The following HARS2 variants were observed in gnomAD, a reference collection of about 807,000 sequenced individuals.
HARS2 encodes the protein histidyl-tRNA synthetase 2, mitochondrial.
A neutral mutation model predicts 62.4 loss-of-function variants in HARS2; 40 were observed. The observed-to-expected ratio is 0.64, with a 90% CI of 0.50 to 0.83. The LOEUF is 0.83. HARS2 is among the 40% of genes least tolerant of loss of function. The pLI is 0.00. For missense variants in HARS2, 569 were observed against 626.4 expected (o/e 0.91, Z 0.98); for synonymous variants, 228 against 227.0 (o/e 1.00, Z -0.04).
At chr5:140,694,145 C>A in intron 3 of HARS2, 40 bp from the exon 4 acceptor site, 3 of 1,602,894 alleles carry the variant, frequency 1.9e-6, no homozygotes, top group Non-Finnish European at 2.6e-6. Flanking sequence ...GTTTTGGAGT[C>A]ATGCTTTCAA....
intron 2 of HARS2, 107 bp from the exon 3 acceptor site, chr5:140,693,828 A>G: frequency 7.3e-7 from 1 of 1,367,440 alleles, no homozygotes; most frequent in South Asian, 1.2e-5. Flanking sequence ...AACTCAGTAG[A>G]TTTCAGCTCC....
intron 8 of HARS2, 34 bp from the exon 9 acceptor site, chr5:140,696,909 G>T (rs1259172581): frequency 1.9e-6 from 3 of 1,596,984 alleles, no homozygotes; most frequent in Admixed American, 3.4e-5. Context: ...TGAAACACAT[G>T]TGAGTGAACA....
At position 140,695,786 on chromosome 5, in the gene HARS2, T is replaced by C; in HGVS notation, c.574T>C (p.Cys192Arg). ...TGACCCTATGATCCCCGATGCAGAG[T>C]GTTTGAAGATCATGTGTGAAATCCT... The part of the protein sequence containing the change: ...QFDPMIPDAE[C>R]LKIMCEILSG... Residue 192 changes from cysteine (C) to arginine (R), a missense_variant, in exon 6 of 13, where the codon TGT becomes CGT. Coordinates refer to ENST00000230771, the MANE Select transcript of HARS2 (RefSeq NM_012208.4). 1 of 1,613,858 alleles carries C rather than the reference T, an allele frequency of 6.2e-7. No homozygotes were observed. Among genetic ancestry groups the C allele is most frequent in the Non-Finnish European group, 8.5e-7 (1 of 1,179,870 alleles).
At chr5:140,692,674 C>T (rs867187903) in intron 1 of HARS2, among the ~76,000 whole-genome samples, 2 of 152,110 alleles carry the variant, frequency 1.3e-5, no homozygotes, top group African/African-American at 4.8e-5. Context: ...GGGTGGATCA[C>T]CTGAGGTCAG....
chr5:140,693,309 G>A (rs968211290), intron 1 of HARS2, among the ~76,000 whole-genome samples: 2 of 149,742 alleles, frequency 1.3e-5, no homozygotes, highest in African/African-American at 5.0e-5. Context: ...TCCAGCCTGG[G>A]CAACAGACCG....
In HARS2 at chr5:140,691,478, C is replaced by T; in HGVS notation, c.-171C>T. The T allele has an allele frequency of 1.4e-6, 1 of 715,254 alleles. No homozygotes were observed. The highest frequency in any genetic ancestry group is 2.7e-5 in the East Asian group (1 of 37,038). The allele number at this position is 715,254 out of a possible 1,614,324, so 44.3% of individuals were successfully genotyped here. The stretch of plus-strand genomic sequence containing the variant: ...GTGCCGAAGCTGGCTACTAAGGGAA[C>T]TTGGGAGGATCCCACCTCAGCCTTC... On this transcript the variant is annotated 5_prime_UTR_variant, in exon 1 of 13. Transcript: ENST00000230771.
rs1457994190 is a variant in HARS2 at position 140,695,604 on chromosome 5, C to G, written c.496C>G (p.Gln166Glu). The change falls in exon 5 of 13, where the codon CAA becomes GAA. Residue 166 changes from glutamine (Q) to glutamate (E), a missense_variant. Gln to Glu is a conservative substitution (Grantham distance 29, BLOSUM62 2). Transcript: ENST00000230771. ...GCGGCGAGAGAGCCCAACCATAGTC[C>G]AAGGCCGTTATAGGGAGTTCTGCCA... ...VWRRESPTIVQGRYREFCQCD... is the reference protein window; with the variant it reads ...VWRRESPTIVEGRYREFCQCD... 1 of 1,614,204 alleles carries G rather than the reference C, an allele frequency of 6.2e-7. No individual in the cohort carries two copies. The highest frequency in any genetic ancestry group is 1.1e-5 in the South Asian group (1 of 91,080).
At chr5:140,697,461 C>T in intron 10 of HARS2, 55 bp downstream of exon 10, 3 of 1,612,508 alleles carry the variant, frequency 1.9e-6, no homozygotes, top group Non-Finnish European at 1.7e-6. Context: ...CCTCCTGTTT[C>T]TGGAGGTGTA....
chr5:140,693,794 C>G, intron 2 of HARS2, 129 bp downstream of exon 2: 1 of 1,187,100 alleles, frequency 8.4e-7, no homozygotes, highest in South Asian at 1.2e-5. Context: ...TCTTGAGATA[C>G]TAGGTGCGGC....
At chr5:140,698,200 A>G in intron 12 of HARS2, 122 bp downstream of exon 12, 6 of 1,007,618 alleles carry the variant, frequency 6.0e-6, no homozygotes, top group Non-Finnish European at 9.1e-6. Context: ...GAGATGAACA[A>G]ACACTCACTC....
chr5:140,693,543 C>G lies in HARS2; in HGVS notation c.109-48C>G, dbSNP rs774738164. The G allele has an allele frequency of 2.5e-6, 4 of 1,613,848 alleles. No individual in the cohort carries two copies. The African/African-American group carries it at 4.0e-5, about 16-fold the overall frequency. On this transcript the variant is annotated intron_variant, in intron 1 of 12. Coordinates refer to ENST00000230771, the MANE Select transcript of HARS2 (RefSeq NM_012208.4). ...CAACAGGGTCAGAGATGCCACAGGT[C>G]TGGCCAGTGTCCAGAGAAGCCACAT...
At chr5:140,693,348 A>G in intron 1 of HARS2, 1 of 697,520 alleles carries the variant, frequency 1.4e-6, no homozygotes, top group Non-Finnish European at 2.3e-6. Flanking sequence ...AAAAAAAAAA[A>G]TCCATATACA....
Position 140,697,686 on chromosome 5 carries a change from G to T in HARS2, c.1314+1G>T. ...AGAGCTTTGGGATTCTGGAATCAAG[G>T]TATGGTGGAGCTGATATCTGAGCCA... On this transcript the variant is annotated splice_donor_variant, in intron 11 of 12. Coordinates refer to ENST00000230771, the MANE Select transcript of HARS2 (RefSeq NM_012208.4). LOFTEE classifies it high-confidence loss of function. 1.9e-6 allele frequency: 3 copies of T among 1,590,874 alleles called. No individual in the cohort carries two copies. Among genetic ancestry groups the T allele is most frequent in the South Asian group, 2.2e-5 (2 of 90,656 alleles).
At position 140,698,514 on chromosome 5, in the gene HARS2, T is replaced by C. The variant is rs1160064838; in HGVS notation, c.1483T>C (p.Phe495Leu). ...REEVAIKREN[F>L]VAEIQKRLSE... ...TCAGGTGGCCATTAAACGGGAAAAT[T>C]TTGTGGCTGAAATTCAGAAGCGACT... The change falls in exon 13 of 13, where the codon TTT (phenylalanine) becomes CTT (leucine). Residue 495 changes from phenylalanine (F) to leucine (L), a missense_variant. By Grantham distance (22) the Phe-to-Leu change is conservative (BLOSUM62 0). Transcript: ENST00000230771. The C allele has an allele frequency of 5.0e-6, 8 of 1,613,236 alleles. No individual in the cohort carries two copies. In the East Asian group the frequency reaches 1.6e-4, roughly 31 times the overall value.
chr5:140,695,622 T>A lies in HARS2; in HGVS notation c.514T>A (p.Phe172Ile). 1 of 1,614,062 alleles carries A rather than the reference T, an allele frequency of 6.2e-7. No homozygotes were observed. The change falls in exon 5 of 13, where the codon TTC (phenylalanine) becomes ATC (isoleucine). Residue 172 changes from phenylalanine (F) to isoleucine (I), a missense_variant. Coordinates refer to ENST00000230771, the MANE Select transcript of HARS2 (RefSeq NM_012208.4). ...CATAGTCCAAGGCCGTTATAGGGAGTTCTGCCAGTGTGTAAGTGACCTGAT... is the reference window on the plus strand; with the variant it reads ...CATAGTCCAAGGCCGTTATAGGGAGATCTGCCAGTGTGTAAGTGACCTGAT... ...PTIVQGRYRE[F>I]CQCDFDIAGQ...
chr5:140,693,724 T>C, intron 2 of HARS2, 59 bp downstream of exon 2: 1 of 1,373,574 alleles, frequency 7.3e-7, no homozygotes, highest in Non-Finnish European at 1.0e-6. Flanking sequence ...ACCTCTGCCT[T>C]GCATGTCTCT....
intron 2 of HARS2, 37 bp downstream of exon 2, chr5:140,693,702 C>T (rs766118774): frequency 2.0e-6 from 3 of 1,512,080 alleles, no homozygotes; most frequent in Non-Finnish European, 2.8e-6. Context: ...ATTAGAGTGC[C>T]TTGGAGGACT....
intron 4 of HARS2, 106 bp downstream of exon 4, chr5:140,694,386 T>C: frequency 2.5e-6 from 2 of 806,104 alleles, no homozygotes; most frequent in Non-Finnish European, 4.4e-6. Flanking sequence ...GTCCATTGCC[T>C]ATACTTCTAG....
rs775925248 is a variant in HARS2, at chr5:140,691,609, C to G, written c.-40C>G. On this transcript the variant is annotated 5_prime_UTR_variant, in exon 1 of 13. Transcript: ENST00000230771. The stretch of plus-strand genomic sequence containing the variant: ...TGTCTGACCCGCCTCCTTCCCAGGC[C>G]TTTTGTTCCTGTCCCGGAAAGCCGG... The G allele has an allele frequency of 2.1e-5, 29 of 1,352,286 alleles. No individual in the cohort carries two copies. The Admixed American group carries it at 3.0e-4, about 14-fold the overall frequency. 83.8% of individuals were successfully genotyped at this position (1,352,286 alleles called of 1,614,324 possible).
Sources: allele counts gnomAD v4.1 joint callset (sites outside exome capture counted in the v4.1 genomes callset), GRCh38; gene constraint gnomAD v4.1.1; transcripts MANE v1.5; gene names NCBI Gene and HGNC (gene_info 2026-07-23, HGNC 2026-07-21).